The following MAD1L1 variants were observed in gnomAD, a reference collection of about 807,000 sequenced individuals.
MAD1L1 encodes mitotic arrest deficient 1 like 1.
MAD1L1 carries 95 observed loss-of-function variants against 96.9 expected under a neutral mutation model. The observed-to-expected ratio is 0.98, with a 90% CI of 0.83 to 1.16. The LOEUF (loss-of-function observed/expected upper bound fraction) is 1.16. Ranked by LOEUF, MAD1L1 falls within the 50% of genes most tolerant of loss-of-function variation. MAD1L1 has a pLI of 0.00. For synonymous variants in MAD1L1, 473 were observed against 396.6 expected, an observed-to-expected ratio of 1.19 and a Z score of -2.29; for missense variants, 1,007 against 954.4, an observed-to-expected ratio of 1.06 and a Z score of -0.73.
chr7:1,945,731 A>G (rs12699495), intron 16 of MAD1L1, among the ~76,000 whole-genome samples: 130,982 of 152,212 alleles, frequency 0.86, 57,670 homozygotes, highest in Non-Finnish European at 0.96. Context: ...GACCCCTCAG[A>G]GGTGCGGGTA....
intron 10 of MAD1L1, 97 bp downstream of exon 10, chr7:2,213,115 G>T: frequency 7.6e-7 from 1 of 1,313,054 alleles, no homozygotes; most frequent in Non-Finnish European, 1.1e-6. Flanking sequence ...AGAGATGCCT[G>T]GCTGGAGACT....
At chr7:1,969,194 G>T (rs1469673671) in intron 15 of MAD1L1, among the ~76,000 whole-genome samples, 1 of 152,090 alleles carries the variant, frequency 6.6e-6, no homozygotes, top group Non-Finnish European at 1.5e-5. Context: ...GACCAGCCTG[G>T]CCAACGTGAT....
intron 17 of MAD1L1, among the ~76,000 whole-genome samples, chr7:1,907,145 G>T (rs1229125094): frequency 6.6e-6 from 1 of 152,100 alleles, no homozygotes; most frequent in Non-Finnish European, 1.5e-5. Context: ...GCAGCTCCCA[G>T]CTGCTCAGCC....
At chr7:1,985,522 G>A (rs940927736) in intron 14 of MAD1L1, among the ~76,000 whole-genome samples, 5 of 152,226 alleles carry the variant, frequency 3.3e-5, no homozygotes, top group South Asian at 2.1e-4. Flanking sequence ...CATGCAGCTC[G>A]ATCTGCTCTC....
intron 11 of MAD1L1, among the ~76,000 whole-genome samples, chr7:2,147,494 G>C (rs1326161381): frequency 6.6e-6 from 1 of 152,228 alleles, no homozygotes; most frequent in Non-Finnish European, 1.5e-5. Context: ...GAGAACCCAG[G>C]ATTTCAGGGC....
intron 11 of MAD1L1, among the ~76,000 whole-genome samples, chr7:2,085,525 C>T (rs923834580): frequency 2.6e-5 from 4 of 152,222 alleles, no homozygotes; most frequent in African/African-American, 9.7e-5. Context: ...GAATGCCCTG[C>T]TTTGAGTTCG....
rs983503475 is a variant in MAD1L1, at chr7:2,176,207, G to C, written c.987-26969C>G. 5.3e-5 allele frequency among the ~76,000 whole-genome samples: 8 copies of C among 152,160 alleles called. No homozygotes were observed. The East Asian group carries it at 5.8e-4, about 11-fold the overall frequency. On this transcript the variant is annotated intron_variant, in intron 10 of 18. Transcript: ENST00000265854. ...TACTGAAAATACAAAAATTAGCTGGGCATGGTGGCACATGCCTGTAATCCC... is the reference window on the plus strand; with the variant it reads ...TACTGAAAATACAAAAATTAGCTGGCCATGGTGGCACATGCCTGTAATCCC...
intron 18 of MAD1L1, among the ~76,000 whole-genome samples, chr7:1,836,170 C>T (rs1392036648): frequency 1.3e-5 from 2 of 152,068 alleles, no homozygotes; most frequent in Non-Finnish European, 2.9e-5. Context: ...TACAGGCATG[C>T]ACCACCGTGC....
intron 3 of MAD1L1, 127 bp downstream of exon 3, chr7:2,229,857 G>A (rs1289291140): frequency 3.9e-6 from 4 of 1,036,826 alleles, no homozygotes; most frequent in Non-Finnish European, 5.5e-6. Flanking sequence ...GTGAGACCTG[G>A]GAGACGAATA....
intron 11 of MAD1L1, among the ~76,000 whole-genome samples, chr7:2,138,101 G>A (rs762308358): frequency 5.3e-5 from 8 of 152,250 alleles, no homozygotes; most frequent in Non-Finnish European, 8.8e-5. Flanking sequence ...CCCACGCTGC[G>A]CTCTCACCAC....
At chr7:1,958,546 C>A (rs1489768332) in intron 15 of MAD1L1, among the ~76,000 whole-genome samples, 8 of 152,164 alleles carry the variant, frequency 5.3e-5, no homozygotes, top group Non-Finnish European at 8.8e-5. Context: ...CCGAGGAAAC[C>A]CAACTCTTTC....
chr7:2,096,927 C>T (rs1786523538), intron 11 of MAD1L1, among the ~76,000 whole-genome samples: 1 of 152,198 alleles, frequency 6.6e-6, no homozygotes, highest in African/African-American at 2.4e-5. Flanking sequence ...TACCTCCAGG[C>T]TGCCACCCAC....
intron 15 of MAD1L1, among the ~76,000 whole-genome samples, chr7:1,979,991 G>A (rs887072822): frequency 2.0e-5 from 3 of 152,226 alleles, no homozygotes; most frequent in African/African-American, 4.8e-5. Flanking sequence ...CCTGCAGAGA[G>A]GAACCTAGGT....
intron 12 of MAD1L1, among the ~76,000 whole-genome samples, chr7:2,063,944 G>A (rs1484325027): frequency 6.6e-6 from 1 of 152,184 alleles, no homozygotes; most frequent in East Asian, 1.9e-4. Flanking sequence ...TCAAACCCCA[G>A]GCCTGGGAGA....
At chr7:1,998,889 C>T (rs1781673612) in intron 14 of MAD1L1, among the ~76,000 whole-genome samples, 2 of 149,488 alleles carry the variant, frequency 1.3e-5, no homozygotes, top group African/African-American at 4.9e-5. Flanking sequence ...GTCCCCTAAC[C>T]CCACTCACTG....
At chr7:2,232,044 T>A (rs982593810) in intron 1 of MAD1L1, among the ~76,000 whole-genome samples, 1 of 152,086 alleles carries the variant, frequency 6.6e-6, no homozygotes, top group Non-Finnish European at 1.5e-5. Flanking sequence ...AGAACGGAGA[T>A]TGGAACTTGG....
chr7:2,180,333 CTCA>C (rs1369661911), intron 10 of MAD1L1, among the ~76,000 whole-genome samples: 2 of 152,236 alleles, frequency 1.3e-5, no homozygotes, highest in African/African-American at 4.8e-5. Context: ...ACCGGAGCTC[CTCA>C]TCAAGGACTC....
Position 1,953,790 on chromosome 7 carries a change from C to T in MAD1L1, c.1596+3839G>A, listed in dbSNP as rs571453401. On this transcript the variant is annotated intron_variant, in intron 16 of 18. Transcript: ENST00000265854. Reference sequence around the variant, plus strand: ...ATCATCAAATGCTGAAAAAACCCAACAGGGTTGAGTCTGAATGCTGCTCCC... The same window carrying T: ...ATCATCAAATGCTGAAAAAACCCAATAGGGTTGAGTCTGAATGCTGCTCCC... 2.0e-5 allele frequency among the ~76,000 whole-genome samples: 3 copies of T among 152,376 alleles called. No homozygotes were observed. In the South Asian group the frequency reaches 6.2e-4, roughly 32 times the overall value.
At chr7:1,851,058 GT>G (rs1300331598) in intron 18 of MAD1L1, among the ~76,000 whole-genome samples, 3 of 152,240 alleles carry the variant, frequency 2.0e-5, no homozygotes, top group African/African-American at 7.2e-5. Context: ...AGCCAACAAG[GT>G]GGCAGGGAGG....
Sources: allele counts gnomAD v4.1 joint callset (sites outside exome capture counted in the v4.1 genomes callset), GRCh38; gene constraint gnomAD v4.1.1; transcripts MANE v1.5; gene names NCBI Gene and HGNC (gene_info 2026-07-23, HGNC 2026-07-21).